ZFAT: variants seen among roughly 807,000 people sequenced by gnomAD.
The protein encoded by ZFAT is zinc finger and AT-hook domain containing, also known as zinc finger protein ZFAT.
In ZFAT, 64 loss-of-function variants were observed where a neutral mutation model predicts 117.7. That is an observed-to-expected ratio of 0.54 (90% CI 0.44 to 0.67). The LOEUF (loss-of-function observed/expected upper bound fraction) is 0.67, where lower values mean the gene tolerates loss of function less well. Among genes scored for constraint, ZFAT ranks in the 30% least tolerant of loss-of-function variants. The pLI is 0.00. For missense variants in ZFAT, 1,433 were observed against 1,584.5 expected, an observed-to-expected ratio of 0.90 and a Z score of 1.62; for synonymous variants, 679 against 615.0, an observed-to-expected ratio of 1.10 and a Z score of -1.54.
intron 13 of ZFAT, among the ~76,000 whole-genome samples, chr8:134,513,446 T>A (rs1311787879): frequency 6.6e-6 from 1 of 152,212 alleles, no homozygotes; most frequent in East Asian, 1.9e-4. Flanking sequence ...GTGTTGGGAT[T>A]ACAGGTGTGA....
Position 134,520,865 on chromosome 8 carries a change from C to G in ZFAT, c.3234+18G>C, listed in dbSNP as rs752819195. On this transcript the variant is annotated intron_variant, in intron 13 of 15. Coordinates refer to ENST00000377838, the MANE Select transcript of ZFAT (RefSeq NM_020863.4). ...TGTTTTGAAATGTCAAGATTAATAC[C>G]ATACTTAAAAAAATTACCTCCCACT... 1.9e-6 allele frequency: 3 copies of G among 1,597,400 alleles called. No individual in the cohort carries two copies. The South Asian group carries it at 3.3e-5, about 18-fold the overall frequency.
chr8:134,754,560 A>G, the ZFAT span, among the ~76,000 whole-genome samples: 2 of 152,234 alleles, frequency 1.3e-5, no homozygotes, highest in Non-Finnish European at 2.9e-5. Context: ...CCTCAAACAG[A>G]TATTAAGACA....
chr8:134,489,707 G>A (rs970803797), intron 15 of ZFAT, among the ~76,000 whole-genome samples: 2 of 152,108 alleles, frequency 1.3e-5, no homozygotes, highest in Non-Finnish European at 2.9e-5. Context: ...TTCAAATATT[G>A]TCTTCAGGCT....
intron 15 of ZFAT, among the ~76,000 whole-genome samples, chr8:134,487,965 C>A (rs1457932873): frequency 1.3e-5 from 2 of 152,198 alleles, no homozygotes; most frequent in Non-Finnish European, 2.9e-5. Context: ...CAAATCACCA[C>A]CAGATGAGGC....
At chr8:134,789,229 T>C in the ZFAT span, among the ~76,000 whole-genome samples, 7 of 152,288 alleles carry the variant, frequency 4.6e-5, no homozygotes, top group South Asian at 1.4e-3. Context: ...AAAAAAGTAA[T>C]CTTACCATTT....
intron 11 of ZFAT, among the ~76,000 whole-genome samples, chr8:134,558,343 G>GTTCCCTC (rs1453189701): frequency 6.6e-6 from 1 of 152,146 alleles, no homozygotes; most frequent in Non-Finnish European, 1.5e-5. Context: ...CTTCTGGTCT[G>GTTCCCTC]TTCCCTCAAA....
intron 2 of ZFAT, among the ~76,000 whole-genome samples, chr8:134,639,159 G>A (rs1426520203): frequency 2.0e-5 from 3 of 152,224 alleles, no homozygotes; most frequent in African/African-American, 7.2e-5. Context: ...GCAAAGGGGA[G>A]CAGAGATGGG....
chr8:134,713,100 C>T (rs953932128), upstream of ZFAT: 2 of 419,474 alleles, frequency 4.8e-6, no homozygotes, highest in South Asian at 7.0e-5. Context: ...GGGTGACCCT[C>T]CCCCGGCGCC....
the ZFAT span, chr8:134,792,807 GATA>G: frequency 3.3e-5 from 5 of 152,164 alleles, no homozygotes; most frequent in Non-Finnish European, 7.3e-5. Context: ...TTGATTCTAA[GATA>G]ATACCTTTTT....
intron 3 of ZFAT, among the ~76,000 whole-genome samples, chr8:134,619,454 C>A (rs1828964860): frequency 6.6e-6 from 1 of 152,098 alleles, no homozygotes; most frequent in South Asian, 2.1e-4. Context: ...ACAAACACAT[C>A]TCACAAACAC....
At chr8:134,723,904 A>T in the ZFAT span, 12 of 152,224 alleles carry the variant, frequency 7.9e-5, no homozygotes, top group African/African-American at 2.9e-4. Context: ...TGTCCATGGA[A>T]ATCTCATATA....
chr8:134,559,585 AT>A (rs1376497713), intron 11 of ZFAT, among the ~76,000 whole-genome samples: 4 of 152,238 alleles, frequency 2.6e-5, no homozygotes, highest in Admixed American at 1.3e-4. Context: ...TGCATTTGCA[AT>A]TTTGACAGAT....
chr8:134,511,506 C>T (rs2130379974), intron 14 of ZFAT, among the ~76,000 whole-genome samples: 1 of 152,284 alleles, frequency 6.6e-6, no homozygotes, highest in Non-Finnish European at 1.5e-5. Context: ...ACCAACTGGC[C>T]CACAGGAGTT....
intron 8 of ZFAT, 74 bp downstream of exon 8, chr8:134,590,194 A>C: frequency 8.7e-7 from 1 of 1,153,026 alleles, no homozygotes; most frequent in Non-Finnish European, 1.3e-6. Flanking sequence ...AGTGCAGTTA[A>C]TGTAAAACAT....
In ZFAT at chr8:134,657,667, G is replaced by A. The variant is rs768351805; in HGVS notation, c.90C>T (p.His30=). 9 of 1,614,014 alleles carry A rather than the reference G, an allele frequency of 5.6e-6. No homozygotes were observed. Among genetic ancestry groups the A allele is most frequent in the South Asian group, 2.2e-5 (2 of 91,078 alleles). Residue 30 remains histidine (H), a synonymous_variant, in exon 2 of 16, where the codon CAC becomes CAT. Transcript: ENST00000377838. ...FSPNQSELLS[H]VSEKHMEEGV... is the part of the protein sequence containing the mutation. ...CTTCTTCCATGTGCTTCTCTGAAAC[G>A]TGGGAGAGGAGTTCCGACTGATTTG...
intron 1 of ZFAT, among the ~76,000 whole-genome samples, chr8:134,694,196 C>G (rs934118803): frequency 6.6e-6 from 1 of 152,146 alleles, no homozygotes; most frequent in South Asian, 2.1e-4. Context: ...GAATGAGGCA[C>G]GTGGCTGAGG....
chr8:134,735,759 C>A, the ZFAT span, among the ~76,000 whole-genome samples: 1,440 of 152,194 alleles, frequency 9.5e-3, 6 homozygotes, highest in Middle Eastern at 0.017. Context: ...TGCATATAAG[C>A]TTATACTTCA....
intron 11 of ZFAT, among the ~76,000 whole-genome samples, chr8:134,548,940 G>C (rs1805398884): frequency 6.6e-6 from 1 of 152,178 alleles, no homozygotes; most frequent in African/African-American, 2.4e-5. Context: ...GAAAACAAAA[G>C]CCTGATTGGC....
At position 134,657,725 on chromosome 8, in the gene ZFAT, A is replaced by C; in HGVS notation, c.32T>G (p.Ile11Ser). METRAAENTA[I>S]FMCKCCNLFS... ...GAGGTTACAACATTTACACATAAAG[A>C]TGGCCGTGTTTTCTGTAAGGAAAAA... Residue 11 changes from isoleucine to serine, a missense_variant, in exon 2 of 16, where the codon ATC becomes AGC. This residue lies in a region of ZFAT where 436 missense variants were observed against 482.0 expected (regional missense o/e 0.90). Transcript: ENST00000377838. The C allele has an allele frequency of 6.2e-7, 1 of 1,609,698 alleles. No individual in the cohort carries two copies. The highest frequency in any genetic ancestry group is 8.5e-7 in the Non-Finnish European group (1 of 1,178,524).
Sources: allele counts gnomAD v4.1 joint callset (sites outside exome capture counted in the v4.1 genomes callset), GRCh38; gene constraint gnomAD v4.1.1; regional missense constraint gnomAD v4.1.1; transcripts MANE v1.5; gene names NCBI Gene and HGNC (gene_info 2026-07-23, HGNC 2026-07-21).